The following PRKN variants were observed in gnomAD, a reference collection of about 807,000 sequenced individuals.
The protein encoded by PRKN is E3 ubiquitin-protein ligase parkin.
PRKN carries 56 observed loss-of-function variants against 59.5 expected under a neutral mutation model. The ratio of observed to expected loss-of-function variants is 0.94; its 90% CI spans 0.76 to 1.18. The LOEUF (loss-of-function observed/expected upper bound fraction) is 1.18. Ranked by LOEUF, PRKN falls within the 50% of genes most tolerant of loss-of-function variation. PRKN has a pLI of 0.00. For missense variants in PRKN, 657 were observed against 596.4 expected (o/e 1.10, Z -1.06); for synonymous variants, 250 against 222.1 (o/e 1.13, Z -1.12).
chr6:162,156,226 C>T (rs2849609), intron 4 of PRKN, among the ~76,000 whole-genome samples: 121,932 of 152,194 alleles, frequency 0.8, 51,531 homozygotes, highest in Non-Finnish European at 0.92. Context: ...GAATTGTATC[C>T]AATCGTCCAA....
Position 161,578,841 on chromosome 6 carries a change from A to C in PRKN, c.872-9425T>G, listed in dbSNP as rs1236839238. ...ATTTGTATGTCATTACAATGTCAAA[A>C]CAACTTAAATATTTTGAATTGTGTG... On this transcript the variant is annotated intron_variant, in intron 7 of 11. Transcript: ENST00000366898. The surrounding 1 kb of genome is among the most constrained non-coding windows in gnomAD (Gnocchi z 4.2). Among the ~76,000 whole-genome samples, 1 of 152,252 alleles carries C rather than the reference A, an allele frequency of 6.6e-6. No individual in the cohort carries two copies. The highest frequency in any genetic ancestry group is 1.5e-5 in the Non-Finnish European group (1 of 68,050).
chr6:161,575,427 C>G lies in PRKN; in HGVS notation c.872-6011G>C, dbSNP rs1781093195. 6.6e-6 allele frequency among the ~76,000 whole-genome samples: 1 copy of G among 152,080 alleles called. No homozygotes were observed. ...AAACAAAACAAAACAAAACAAATAC[C>G]TTTGAGAGATTAACTGAGCCATAAT... On this transcript the variant is annotated intron_variant, in intron 7 of 11. Coordinates refer to ENST00000366898, the MANE Select transcript of PRKN (RefSeq NM_004562.3). The surrounding 1 kb of genome is among the most constrained non-coding windows in gnomAD (Gnocchi z 4.6).
At chr6:161,496,111 T>G (rs1583152464) in intron 9 of PRKN, among the ~76,000 whole-genome samples, 1 of 152,362 alleles carries the variant, frequency 6.6e-6, no homozygotes, top group Non-Finnish European at 1.5e-5. Context: ...GCTTAACATG[T>G]AAGTGATGTG....
chr6:162,375,054 C>T (rs1336786336), intron 2 of PRKN, among the ~76,000 whole-genome samples: 1 of 151,936 alleles, frequency 6.6e-6, no homozygotes, highest in Non-Finnish European at 1.5e-5. Flanking sequence ...ATTTTAGTAA[C>T]AGAATTTAGT....
At position 161,548,929 on chromosome 6, in the gene PRKN, G is replaced by C. The variant is rs1189803871; in HGVS notation, c.1008C>G (p.Gly336=). 1 of 1,613,922 alleles carries C rather than the reference G, an allele frequency of 6.2e-7. No homozygotes were observed. Among genetic ancestry groups the C allele is most frequent in the Admixed American group, 1.7e-5 (1 of 60,024 alleles). Residue 336 remains glycine (G), a synonymous_variant, in exon 9 of 12, where the codon GGC becomes GGG. Transcript: ENST00000366898. This position sits in a 1 kb window ranked among gnomAD's most constrained non-coding sequence, Gnocchi z 4.2. ...GCTCCGGCAGCAGCCCCGCTCCACA[G>C]CCAGGGCGGGGGCATAACACGCCCC... The part of the protein sequence containing the change: ...QMGGVLCPRP[G]CGAGLLPEPD...
intron 5 of PRKN, among the ~76,000 whole-genome samples, chr6:162,036,819 A>G (rs543203999): frequency 6.6e-6 from 1 of 152,316 alleles, no homozygotes; most frequent in East Asian, 1.9e-4. Context: ...ACTATAAGAA[A>G]TAATTTCTTA....
At chr6:162,159,316 G>A (rs956283270) in intron 4 of PRKN, among the ~76,000 whole-genome samples, 20 of 152,028 alleles carry the variant, frequency 1.3e-4, no homozygotes, top group Non-Finnish European at 2.6e-4. Flanking sequence ...TTCTTTTTTA[G>A]TAAGCTTTTC....
chr6:161,438,215 ATTTT>A (rs34955373), intron 9 of PRKN, among the ~76,000 whole-genome samples: 61 of 112,440 alleles, frequency 5.4e-4, no homozygotes, highest in Non-Finnish European at 5.3e-4. Flanking sequence ...AATTCTGTTA[ATTTT>A]TTTTTTTTTT....
At chr6:162,565,352 A>G (rs1271728484) in intron 1 of PRKN, among the ~76,000 whole-genome samples, 1 of 152,180 alleles carries the variant, frequency 6.6e-6, no homozygotes, top group African/African-American at 2.4e-5. Context: ...CAACGAGAAA[A>G]CAAATAACAA....
intron 9 of PRKN, among the ~76,000 whole-genome samples, chr6:161,426,359 G>A: frequency 6.6e-6 from 1 of 152,058 alleles, no homozygotes; most frequent in East Asian, 1.9e-4. Flanking sequence ...TTGAGTCAGT[G>A]GGCTGGGGAA....
At chr6:162,439,790 G>C (rs1357773764) in intron 2 of PRKN, among the ~76,000 whole-genome samples, 1 of 145,704 alleles carries the variant, frequency 6.9e-6, no homozygotes, top group African/African-American at 2.7e-5. Context: ...TTTTTGTAAT[G>C]CTGTTAATGT....
intron 9 of PRKN, among the ~76,000 whole-genome samples, chr6:161,515,393 G>C (rs1016783219): frequency 6.6e-6 from 1 of 152,116 alleles, no homozygotes; most frequent in Admixed American, 6.5e-5. Context: ...TTGTAATATT[G>C]TACTCATAGT....
In PRKN at chr6:161,466,496, G is replaced by T. The variant is rs1790485197; in HGVS notation, c.1084-79619C>A. On this transcript the variant is annotated intron_variant, in intron 9 of 11. Coordinates refer to ENST00000366898, the MANE Select transcript of PRKN (RefSeq NM_004562.3). The surrounding 1 kb of genome is among the most constrained non-coding windows in gnomAD (Gnocchi z 5.0). ...TTCTATTTTTGCACTCATCTGCTCT[G>T]ATCTGTTTAGGCAGAAGCTTAAACA... 6.6e-6 allele frequency among the ~76,000 whole-genome samples: 1 copy of T among 152,084 alleles called. No individual in the cohort carries two copies. Among genetic ancestry groups the T allele is most frequent in the Admixed American group, 6.5e-5 (1 of 15,274 alleles).
chr6:161,412,251 CATTCCTCCTCTCACTT>C (rs1326592522), intron 9 of PRKN, among the ~76,000 whole-genome samples: 5 of 150,526 alleles, frequency 3.3e-5, no homozygotes, highest in Non-Finnish European at 5.9e-5. Context: ...TCCACTCACT[CATTCCTCCTCTCACTT>C]ATTCCTTCAC....
chr6:161,921,137 T>C (rs762513028), intron 6 of PRKN, among the ~76,000 whole-genome samples: 3 of 152,160 alleles, frequency 2.0e-5, no homozygotes, highest in Non-Finnish European at 2.9e-5. Context: ...ATATGCTTTT[T>C]TTCTGTTTCT....
In PRKN at chr6:161,783,491, T is replaced by G. The variant is rs574667552; in HGVS notation, c.871+2281A>C. 3.3e-5 allele frequency among the ~76,000 whole-genome samples: 5 copies of G among 152,300 alleles called. No homozygotes were observed. The East Asian group carries it at 9.6e-4, about 29-fold the overall frequency. ...TACACTGCAAATCCTGACTAATGGG[T>G]GCAGGAAGGTTCACTGTAGTATTTT... On this transcript the variant is annotated intron_variant, in intron 7 of 11. Transcript: ENST00000366898.
At chr6:161,802,031 G>A (rs889075195) in intron 6 of PRKN, among the ~76,000 whole-genome samples, 3 of 152,134 alleles carry the variant, frequency 2.0e-5, no homozygotes, top group Non-Finnish European at 4.4e-5. Context: ...CAAGGAATTC[G>A]TGCTAAATGA....
At chr6:161,736,212 T>C (rs1461454755) in intron 7 of PRKN, among the ~76,000 whole-genome samples, 3 of 152,234 alleles carry the variant, frequency 2.0e-5, no homozygotes, top group African/African-American at 7.2e-5. Flanking sequence ...AAGGCTGATG[T>C]TCACATGAAT....
At chr6:161,828,227 T>C (rs1029560070) in intron 6 of PRKN, among the ~76,000 whole-genome samples, 12 of 152,192 alleles carry the variant, frequency 7.9e-5, no homozygotes, top group African/African-American at 2.9e-4. Context: ...ATTCAAAATT[T>C]AGTCAATTAA....
Sources: gnomAD v4.1 joint callset for allele counts (sites outside exome capture counted in the v4.1 genomes callset) on GRCh38, gnomAD v4.1.1 for gene constraint, Gnocchi (gnomAD v3.1) non-coding constraint, MANE v1.5 for transcripts, NCBI Gene and HGNC (gene_info 2026-07-23, HGNC 2026-07-21) for gene names.